The following DTNA variants were observed in gnomAD, a reference collection of about 807,000 sequenced individuals.
DTNA encodes the protein dystrobrevin alpha.
DTNA carries 43 observed loss-of-function variants against 100.7 expected under a neutral mutation model. The ratio of observed to expected loss-of-function variants is 0.43; its 90% CI spans 0.33 to 0.55. The LOEUF (loss-of-function observed/expected upper bound fraction) is 0.55, where lower values mean the gene tolerates loss of function less well. DTNA is among the 20% of genes least tolerant of loss of function. The pLI is 0.04. For synonymous variants in DTNA, 349 were observed against 347.9 expected (o/e 1.00, Z -0.04); for missense variants, 798 against 953.9 (o/e 0.84, Z 2.15).
intron 9 of DTNA, among the ~76,000 whole-genome samples, chr18:34,825,807 A>AT: frequency 6.6e-6 from 1 of 152,322 alleles, no homozygotes; most frequent in South Asian, 2.1e-4. Flanking sequence ...AGAAGGAAAA[A>AT]TTTTTAAAAA....
intron 11 of DTNA, among the ~76,000 whole-genome samples, chr18:34,829,692 G>A (rs2095954208): frequency 6.6e-6 from 1 of 152,140 alleles, no homozygotes. Context: ...CATATTTTAT[G>A]GATTTCATAG....
intron 19 of DTNA, 32 bp from the exon 20 acceptor site, chr18:34,879,519 T>C (rs1343818353): frequency 6.2e-7 from 1 of 1,612,392 alleles, no homozygotes; most frequent in Non-Finnish European, 8.5e-7. Flanking sequence ...ATCTAACGAG[T>C]CATTCTTTAT....
At chr18:34,867,928 A>G (rs2096724371) in intron 17 of DTNA, 1 of 985,444 alleles carries the variant, frequency 1.0e-6, no homozygotes, top group East Asian at 1.1e-4. Context: ...GATGTCAGCA[A>G]TACATCGTCT....
At chr18:34,806,140 T>C (rs1485715094) in intron 4 of DTNA, 79 bp from the exon 5 acceptor site, 1 of 1,246,560 alleles carries the variant, frequency 8.0e-7, no homozygotes, top group African/African-American at 1.5e-5. Context: ...TGTCAAACCT[T>C]GTTGCTGGAA....
chr18:34,803,185 A>G (rs559776344), intron 4 of DTNA, among the ~76,000 whole-genome samples: 28 of 152,298 alleles, frequency 1.8e-4, no homozygotes, highest in African/African-American at 6.3e-4. Context: ...CACATTTGCA[A>G]TCTGGCACAG....
intron 1 of DTNA, among the ~76,000 whole-genome samples, chr18:34,651,302 G>A (rs1175125713): frequency 6.6e-6 from 1 of 152,184 alleles, no homozygotes; most frequent in Non-Finnish European, 1.5e-5. Flanking sequence ...AGATTACTAT[G>A]AGGATAAAAC....
chr18:34,563,062 G>A lies in DTNA; in HGVS notation c.-2+69548G>A, dbSNP rs373853424. On this transcript the variant is annotated intron_variant, in intron 1 of 19. Transcript: ENST00000283365. ...CTGAGAGCTTGTACTGGATTGACTAGCTTCCTCCAAAATGTTCCCAGTGGC... is the reference window on the plus strand; with the variant it reads ...CTGAGAGCTTGTACTGGATTGACTAACTTCCTCCAAAATGTTCCCAGTGGC... Among the ~76,000 whole-genome samples the A allele has an allele frequency of 3.9e-5, 6 of 152,286 alleles. No homozygotes were observed. The East Asian group carries it at 9.7e-4, about 25-fold the overall frequency.
chr18:34,617,440 A>G (rs1465681951), intron 1 of DTNA, among the ~76,000 whole-genome samples: 1 of 152,130 alleles, frequency 6.6e-6, no homozygotes, highest in East Asian at 1.9e-4. Flanking sequence ...TGATCTGGGT[A>G]TGTTGAACCA....
At chr18:34,680,516 A>G (rs534427125) in intron 1 of DTNA, among the ~76,000 whole-genome samples, 30 of 152,312 alleles carry the variant, frequency 2.0e-4, no homozygotes, top group African/African-American at 7.2e-4. Context: ...CAATAAAATA[A>G]TGCAGCTGAC....
At position 34,679,892 on chromosome 18, in the gene DTNA, T is replaced by A. The variant is rs540595631; in HGVS notation, c.-1-76084T>A. 2.0e-5 allele frequency among the ~76,000 whole-genome samples: 3 copies of A among 152,262 alleles called. No homozygotes were observed. In the East Asian group the frequency reaches 5.8e-4, roughly 29 times the overall value. Reference sequence around the variant, plus strand: ...TTGACCGTCACTTCCCAGTTTCTATTAAGCAAATGCCATAATACTTCATTC... The same window carrying A: ...TTGACCGTCACTTCCCAGTTTCTATAAAGCAAATGCCATAATACTTCATTC... On this transcript the variant is annotated intron_variant, in intron 1 of 19. Coordinates refer to the DTNA transcript ENST00000283365.
At chr18:34,502,890 G>C (rs1308678446) in intron 1 of DTNA, among the ~76,000 whole-genome samples, 1 of 152,170 alleles carries the variant, frequency 6.6e-6, no homozygotes, top group Non-Finnish European at 1.5e-5. Context: ...TGATGTTGCT[G>C]TCAAGTTCTT....
chr18:34,779,005 A>T (rs1490043089), intron 3 of DTNA, among the ~76,000 whole-genome samples: 5 of 148,690 alleles, frequency 3.4e-5, no homozygotes, highest in Admixed American at 1.3e-4. Flanking sequence ...TGTATTTTTA[A>T]TAGAGACGGG....
At chr18:34,843,909 A>G (rs2096323121) in intron 13 of DTNA, among the ~76,000 whole-genome samples, 1 of 152,188 alleles carries the variant, frequency 6.6e-6, no homozygotes, top group African/African-American at 2.4e-5. Flanking sequence ...AAAAGAAATT[A>G]TAATCTGTTG....
At chr18:34,715,737 TC>T (rs2083910886) in intron 1 of DTNA, among the ~76,000 whole-genome samples, 10 of 152,138 alleles carry the variant, frequency 6.6e-5, no homozygotes, top group Middle Eastern at 3.4e-3. Context: ...ACTTACTCCT[TC>T]TAGAATATGT....
At chr18:34,764,258 A>G (rs1408755394) in intron 2 of DTNA, among the ~76,000 whole-genome samples, 3 of 152,162 alleles carry the variant, frequency 2.0e-5, no homozygotes, top group Non-Finnish European at 4.4e-5. Flanking sequence ...AGTAAAGTTG[A>G]TATTGTTATC....
At chr18:34,607,100 T>C (rs958604660) in intron 1 of DTNA, among the ~76,000 whole-genome samples, 11 of 152,200 alleles carry the variant, frequency 7.2e-5, no homozygotes, top group African/African-American at 2.4e-4. Flanking sequence ...TACTTCATAA[T>C]GAATCTTTGT....
chr18:34,717,172 C>G (rs923764125), intron 1 of DTNA, among the ~76,000 whole-genome samples: 6 of 152,192 alleles, frequency 3.9e-5, no homozygotes, highest in African/African-American at 1.4e-4. Flanking sequence ...AATATAGTAA[C>G]TACTAGCCAC....
chr18:34,802,060 A>T (rs2095233955), intron 4 of DTNA, among the ~76,000 whole-genome samples: 1 of 152,206 alleles, frequency 6.6e-6, no homozygotes, highest in Non-Finnish European at 1.5e-5. Context: ...ATGTCTTGAG[A>T]TGGCAGTCAG....
At chr18:34,841,952 C>A (rs949217) in intron 13 of DTNA, among the ~76,000 whole-genome samples, 39,721 of 152,052 alleles carry the variant, frequency 0.26, 5,354 homozygotes, top group African/African-American at 0.32. Context: ...TCAGATAAGT[C>A]AAATAAATAA....
Sources: gnomAD v4.1 joint callset for allele counts (sites outside exome capture counted in the v4.1 genomes callset) on GRCh38, gnomAD v4.1.1 for gene constraint, MANE v1.5 for transcripts, NCBI Gene and HGNC (gene_info 2026-07-23, HGNC 2026-07-21) for gene names.